Variants in ZBTB20 observed in about 807,000 individuals in gnomAD.
The protein encoded by ZBTB20 is zinc finger and BTB domain containing 20.
ZBTB20 carries 9 observed loss-of-function variants against 56.9 expected under a neutral mutation model. The ratio of observed to expected loss-of-function variants is 0.16; its 90% CI spans 0.10 to 0.28. The LOEUF is 0.28. Ranked by LOEUF, ZBTB20 falls within the 10% of genes least tolerant of loss-of-function variation. ZBTB20 has a pLI of 1.00. For synonymous variants in ZBTB20, 417 were observed against 420.7 expected, an observed-to-expected ratio of 0.99 and a Z score of 0.11; for missense variants, 655 against 1,003.0, an observed-to-expected ratio of 0.65 and a Z score of 4.69.
Position 114,801,761 on chromosome 3 carries a change from C to T in ZBTB20, c.-416-587G>A, listed in dbSNP as rs572524617. 7.2e-5 allele frequency among the ~76,000 whole-genome samples: 11 copies of T among 151,782 alleles called. No homozygotes were observed. The East Asian group carries it at 1.9e-3, about 27-fold the overall frequency. ...GAAATGTACTGTATTATGGGTTTAGCGTGCCCCATTTCACATCATATTGTA... is the reference window on the plus strand; with the variant it reads ...GAAATGTACTGTATTATGGGTTTAGTGTGCCCCATTTCACATCATATTGTA... On this transcript the variant is annotated intron_variant, in intron 4 of 11. Transcript: ENST00000675478.
At chr3:114,966,453 C>T (rs2077651800) in intron 3 of ZBTB20, among the ~76,000 whole-genome samples, 1 of 152,214 alleles carries the variant, frequency 6.6e-6, no homozygotes. Context: ...AGTTATTTAA[C>T]ACTTTCTATG....
chr3:115,082,501 G>C (rs188286038), intron 1 of ZBTB20, among the ~76,000 whole-genome samples: 1 of 152,052 alleles, frequency 6.6e-6, no homozygotes, highest in Non-Finnish European at 1.5e-5. Context: ...CACACACACA[G>C]ATAGTAAACT....
intron 6 of ZBTB20, among the ~76,000 whole-genome samples, chr3:114,645,993 C>A (rs1212771062): frequency 1.3e-5 from 2 of 151,592 alleles, no homozygotes; most frequent in African/African-American, 2.4e-5. Flanking sequence ...AAGAATAAAG[C>A]AGTTTTGCAG....
intron 5 of ZBTB20, among the ~76,000 whole-genome samples, chr3:114,766,216 T>C (rs745950447): frequency 3.3e-5 from 5 of 151,802 alleles, no homozygotes; most frequent in Non-Finnish European, 5.9e-5. Context: ...TAAGAGAAGG[T>C]AGGGGCAGAA....
intron 1 of ZBTB20, among the ~76,000 whole-genome samples, chr3:115,095,014 C>T (rs1193887413): frequency 6.6e-6 from 1 of 151,954 alleles, no homozygotes; most frequent in East Asian, 1.9e-4. Context: ...AATATAAAAA[C>T]TTTCAAATAG....
intron 2 of ZBTB20, among the ~76,000 whole-genome samples, chr3:115,053,114 C>T (rs2081616035): frequency 6.6e-6 from 1 of 152,140 alleles, no homozygotes; most frequent in South Asian, 2.1e-4. Context: ...ATATTGTTAA[C>T]CACAGATAAA....
In ZBTB20 at chr3:114,571,805, T is replaced by G. The variant is rs141645312; in HGVS notation, c.-294-71414A>C. Among the ~76,000 whole-genome samples, 234 of 152,254 alleles carry G rather than the reference T, an allele frequency of 1.5e-3. 1 individual carries two copies. Among genetic ancestry groups the G allele is most frequent in the African/African-American group, 5.4e-3 (224 of 41,548 alleles). ...GAATTAGTATCTCTTGAGGTGGAAC[T>G]CAGATCTCCATTTTAAACAGGCTCC... On this transcript the variant is annotated intron_variant, in intron 6 of 11. Transcript: ENST00000675478.
intron 7 of ZBTB20, among the ~76,000 whole-genome samples, chr3:114,489,718 TA>T (rs565516814): frequency 1.2e-4 from 19 of 152,154 alleles, no homozygotes; most frequent in Middle Eastern, 3.4e-3. Flanking sequence ...TATAGAATCA[TA>T]AAAAAAGTAA....
chr3:114,766,337 A>G (rs1205866763), intron 5 of ZBTB20, among the ~76,000 whole-genome samples: 5 of 152,106 alleles, frequency 3.3e-5, no homozygotes, highest in African/African-American at 1.2e-4. Context: ...AAGACAAGAA[A>G]CAGTAACATT....
intron 3 of ZBTB20, among the ~76,000 whole-genome samples, chr3:114,943,622 C>A (rs1397811265): frequency 6.9e-6 from 1 of 144,632 alleles, no homozygotes; most frequent in Non-Finnish European, 1.5e-5. Context: ...ACAGAAGATC[C>A]AAGTTGTGAA....
At chr3:114,742,467 C>T (rs956018295) in intron 5 of ZBTB20, among the ~76,000 whole-genome samples, 1 of 152,162 alleles carries the variant, frequency 6.6e-6, no homozygotes, top group African/African-American at 2.4e-5. Context: ...ATAGCAACAG[C>T]AGCTGATGTG....
chr3:114,777,558 C>G (rs1220547002), intron 5 of ZBTB20, among the ~76,000 whole-genome samples: 1 of 152,064 alleles, frequency 6.6e-6, no homozygotes, highest in East Asian at 1.9e-4. Context: ...CCATCTCACA[C>G]CAGTTAGAAT....
At chr3:114,508,144 T>C (rs2044869151) in intron 6 of ZBTB20, among the ~76,000 whole-genome samples, 1 of 152,198 alleles carries the variant, frequency 6.6e-6, no homozygotes, top group Non-Finnish European at 1.5e-5. Context: ...TCACTATTAT[T>C]ATTTCCTGGA....
intron 8 of ZBTB20, chr3:114,387,353 T>C (rs1224650638): frequency 6.6e-6 from 1 of 152,212 alleles, no homozygotes; most frequent in African/African-American, 2.4e-5. Context: ...TTCTCTTTTA[T>C]GCATTGGAAA....
intron 5 of ZBTB20, among the ~76,000 whole-genome samples, chr3:114,777,476 C>CA (rs1488677246): frequency 1.3e-5 from 2 of 151,840 alleles, no homozygotes; most frequent in African/African-American, 4.8e-5. Context: ...TGCATGCAGC[C>CA]AAAAAACACA....
chr3:115,023,214 G>GT (rs564720725), intron 2 of ZBTB20, among the ~76,000 whole-genome samples: 44 of 151,108 alleles, frequency 2.9e-4, no homozygotes, highest in Middle Eastern at 3.4e-3. Context: ...GGAAGAGGAA[G>GT]TAAGTTGTTC....
chr3:114,577,827 G>T (rs1056087736), intron 6 of ZBTB20, among the ~76,000 whole-genome samples: 1 of 152,224 alleles, frequency 6.6e-6, no homozygotes, highest in Non-Finnish European at 1.5e-5. Flanking sequence ...AGCTACCATT[G>T]TAAGATCTGG....
intron 2 of ZBTB20, among the ~76,000 whole-genome samples, chr3:115,067,543 T>TAAA (rs77914966): frequency 7.6e-6 from 1 of 131,180 alleles, no homozygotes. Flanking sequence ...GAAAAATCAG[T>TAAA]AAAAAAAAAA....
intron 2 of ZBTB20, among the ~76,000 whole-genome samples, chr3:115,058,505 G>C (rs899585046): frequency 1.6e-4 from 24 of 152,152 alleles, no homozygotes; most frequent in Non-Finnish European, 7.4e-5. Context: ...GAGGCAGGCA[G>C]ATCACTTGAG....
Sources: allele counts gnomAD v4.1 joint callset (sites outside exome capture counted in the v4.1 genomes callset), GRCh38; gene constraint gnomAD v4.1.1; transcripts MANE v1.5; gene names NCBI Gene and HGNC (gene_info 2026-07-23, HGNC 2026-07-21).